The following ADCY8 variants were observed in gnomAD, a reference collection of about 807,000 sequenced individuals.
ADCY8 encodes adenylate cyclase 8, also known as adenylate cyclase type 8.
In ADCY8, 51 loss-of-function variants were observed where a neutral mutation model predicts 119.7. The observed-to-expected ratio is 0.43, with a 90% CI of 0.34 to 0.54. ADCY8 has a LOEUF of 0.54. ADCY8 is among the 20% of genes least tolerant of loss of function. ADCY8 has a pLI of 0.03. For synonymous variants in ADCY8, 665 were observed against 651.0 expected, an observed-to-expected ratio of 1.02 and a Z score of -0.33; for missense variants, 1,383 against 1,598.8, an observed-to-expected ratio of 0.87 and a Z score of 2.30.
At chr8:130,975,166 T>C (rs1445589791) in intron 2 of ADCY8, among the ~76,000 whole-genome samples, 1 of 152,212 alleles carries the variant, frequency 6.6e-6, no homozygotes, top group Non-Finnish European at 1.5e-5. Flanking sequence ...CATTTTATAA[T>C]TTAATCAACA....
At chr8:130,821,105 T>G (rs1385690733) in intron 13 of ADCY8, among the ~76,000 whole-genome samples, 1 of 152,208 alleles carries the variant, frequency 6.6e-6, no homozygotes, top group Non-Finnish European at 1.5e-5. Context: ...GAAAGCTCTT[T>G]CACTAGGATG....
At chr8:131,036,467 G>A (rs534346040) in intron 1 of ADCY8, among the ~76,000 whole-genome samples, 1 of 152,228 alleles carries the variant, frequency 6.6e-6, no homozygotes, top group South Asian at 2.1e-4. Context: ...TCTTCATTCA[G>A]TGACTGTTTG....
At chr8:131,024,044 A>T (rs1823753007) in intron 1 of ADCY8, among the ~76,000 whole-genome samples, 1 of 152,200 alleles carries the variant, frequency 6.6e-6, no homozygotes, top group East Asian at 1.9e-4. Flanking sequence ...TTTGTCCATG[A>T]GTGGACATCC....
chr8:130,914,946 G>C lies in ADCY8; in HGVS notation c.1482-5080C>G, dbSNP rs985963362. On this transcript the variant is annotated intron_variant, in intron 5 of 17. Coordinates refer to ENST00000286355, the MANE Select transcript of ADCY8 (RefSeq NM_001115.3). Reference sequence around the variant, plus strand: ...TGGAGAAAGCTCAATGGCTTTCTGGGTTCACAGGCCTTTGGCTGTCCCAAG... The same window carrying C: ...TGGAGAAAGCTCAATGGCTTTCTGGCTTCACAGGCCTTTGGCTGTCCCAAG... Among the ~76,000 whole-genome samples the C allele has an allele frequency of 3.9e-5, 6 of 152,258 alleles. No homozygotes were observed. In the East Asian group the frequency reaches 1.2e-3, roughly 29 times the overall value.
intron 11 of ADCY8, among the ~76,000 whole-genome samples, chr8:130,838,384 C>A (rs1352320354): frequency 1.3e-5 from 2 of 152,196 alleles, no homozygotes; most frequent in Non-Finnish European, 2.9e-5. Flanking sequence ...TTCAGCTATC[C>A]TTTAAGATCT....
At chr8:130,846,054 C>T (rs539558273) in intron 11 of ADCY8, among the ~76,000 whole-genome samples, 38 of 152,160 alleles carry the variant, frequency 2.5e-4, no homozygotes, top group East Asian at 9.7e-4. Flanking sequence ...TGCAAATGGA[C>T]GGACGGAGAG....
In ADCY8 at chr8:130,940,304, C is replaced by T. The variant is rs116158791; in HGVS notation, c.1353+3047G>A. 5.4e-3 allele frequency among the ~76,000 whole-genome samples: 826 copies of T among 152,232 alleles called. 11 individuals are homozygous for T. Among genetic ancestry groups the T allele is most frequent in the African/African-American group, 0.019 (810 of 41,546 alleles). ...TATGGCAAAGTCCAGAATGGTAGGTCTCCTGACAAAAGTGTGTTTTAGAAG... is the reference window on the plus strand; with the variant it reads ...TATGGCAAAGTCCAGAATGGTAGGTTTCCTGACAAAAGTGTGTTTTAGAAG... On this transcript the variant is annotated intron_variant, in intron 4 of 17. Transcript: ENST00000286355.
At chr8:130,928,807 A>T (rs959624060) in intron 5 of ADCY8, among the ~76,000 whole-genome samples, 2 of 152,210 alleles carry the variant, frequency 1.3e-5, no homozygotes, top group Non-Finnish European at 2.9e-5. Flanking sequence ...CTAGCCTCAT[A>T]AAATGAGGGT....
chr8:130,924,088 A>T (rs1820391867), intron 5 of ADCY8, among the ~76,000 whole-genome samples: 1 of 152,218 alleles, frequency 6.6e-6, no homozygotes, highest in South Asian at 2.1e-4. Flanking sequence ...TGGAGTTGGG[A>T]GGTGGGCTAC....
intron 7 of ADCY8, among the ~76,000 whole-genome samples, chr8:130,893,770 G>A (rs1216821080): frequency 3.3e-5 from 5 of 151,214 alleles, no homozygotes; most frequent in Non-Finnish European, 5.9e-5. Context: ...ATGTTTATGT[G>A]TGTGTGTTTG....
intron 5 of ADCY8, among the ~76,000 whole-genome samples, chr8:130,921,449 CTT>C (rs35570520): frequency 8.4e-5 from 9 of 107,614 alleles, no homozygotes; most frequent in Non-Finnish European, 1.2e-4. Flanking sequence ...TTTTTCTTTT[CTT>C]TTTTTTTTTT....
At chr8:130,955,356 A>G (rs184626613) in intron 2 of ADCY8, among the ~76,000 whole-genome samples, 8 of 152,314 alleles carry the variant, frequency 5.3e-5, no homozygotes, top group African/African-American at 1.9e-4. Flanking sequence ...GTTATACAGC[A>G]AAGAAGGGCC....
At chr8:130,826,594 T>A (rs1816674281) in intron 12 of ADCY8, among the ~76,000 whole-genome samples, 1 of 152,164 alleles carries the variant, frequency 6.6e-6, no homozygotes, top group African/African-American at 2.4e-5. Context: ...TAGTACATTT[T>A]ATGTCTGAAA....
At chr8:130,905,383 T>C (rs1016497872) in intron 6 of ADCY8, among the ~76,000 whole-genome samples, 2 of 152,178 alleles carry the variant, frequency 1.3e-5, no homozygotes, top group African/African-American at 4.8e-5. Context: ...ATTCAAGTAA[T>C]TGGCAATTCT....
At chr8:130,935,885 A>G (rs1820767985) in intron 5 of ADCY8, among the ~76,000 whole-genome samples, 1 of 152,178 alleles carries the variant, frequency 6.6e-6, no homozygotes, top group Non-Finnish European at 1.5e-5. Flanking sequence ...CTACATTTTG[A>G]GAAACTCTCT....
chr8:130,861,323 A>G lies in ADCY8; in HGVS notation c.2210+6523T>C, dbSNP rs143652966. On this transcript the variant is annotated intron_variant, in intron 9 of 17. Coordinates refer to ENST00000286355, the MANE Select transcript of ADCY8 (RefSeq NM_001115.3). Reference sequence around the variant, plus strand: ...CATTTTAACAATAGCAAGTCTTCCAATCCATGAACACAGAATATCTCTTCA... The same window carrying G: ...CATTTTAACAATAGCAAGTCTTCCAGTCCATGAACACAGAATATCTCTTCA... Among the ~76,000 whole-genome samples the G allele has an allele frequency of 9.8e-5, 15 of 152,340 alleles. No homozygotes were observed. In the East Asian group the frequency reaches 2.7e-3, roughly 27 times the overall value.
intron 11 of ADCY8, among the ~76,000 whole-genome samples, chr8:130,842,788 C>G (rs901009135): frequency 6.7e-6 from 1 of 148,866 alleles, no homozygotes; most frequent in Non-Finnish European, 1.5e-5. Context: ...ACAGGAATTG[C>G]TTGAACCTGG....
intron 2 of ADCY8, among the ~76,000 whole-genome samples, chr8:130,956,707 T>A (rs920641390): frequency 2.6e-5 from 4 of 152,216 alleles, no homozygotes; most frequent in Non-Finnish European, 5.9e-5. Flanking sequence ...GGGAGGGACC[T>A]GGTGGGAGAT....
chr8:130,793,325 A>T (rs907326907), intron 15 of ADCY8, among the ~76,000 whole-genome samples: 1 of 152,074 alleles, frequency 6.6e-6, no homozygotes, highest in Non-Finnish European at 1.5e-5. Flanking sequence ...GGATTTTTTG[A>T]GATGCAAAAC....
Sources: gnomAD v4.1 joint callset for allele counts (sites outside exome capture counted in the v4.1 genomes callset) on GRCh38, gnomAD v4.1.1 for gene constraint, MANE v1.5 for transcripts, NCBI Gene and HGNC (gene_info 2026-07-23, HGNC 2026-07-21) for gene names.